Variants in CSMD3 observed in about 807,000 individuals in gnomAD.
The protein encoded by CSMD3 is CUB and sushi domain-containing protein 3.
A neutral mutation model predicts 435.2 loss-of-function variants in CSMD3; 177 were observed. That is an observed-to-expected ratio of 0.41 (90% CI 0.36 to 0.46). The LOEUF (loss-of-function observed/expected upper bound fraction) is 0.46. CSMD3 is among the 20% of genes least tolerant of loss of function. CSMD3 has a pLI of 0.34. For missense variants in CSMD3, 4,265 were observed against 4,504.6 expected (o/e 0.95, Z 1.52); for synonymous variants, 1,656 against 1,520.5 (o/e 1.09, Z -2.07).
At chr8:113,366,949 T>C (rs1445025266) in intron 1 of CSMD3, among the ~76,000 whole-genome samples, 1 of 152,166 alleles carries the variant, frequency 6.6e-6, no homozygotes, top group African/African-American at 2.4e-5. Context: ...AAAATCATAT[T>C]TATTGAAATT....
At chr8:112,516,123 G>A (rs1823644892) in intron 28 of CSMD3, among the ~76,000 whole-genome samples, 1 of 151,984 alleles carries the variant, frequency 6.6e-6, no homozygotes, top group African/African-American at 2.4e-5. Context: ...AAGTTTATGG[G>A]TTAGGTGTAA....
intron 2 of CSMD3, among the ~76,000 whole-genome samples, chr8:113,285,677 C>A (rs1046720646): frequency 6.6e-6 from 1 of 152,076 alleles, no homozygotes; most frequent in Non-Finnish European, 1.5e-5. Flanking sequence ...TGGAATCATG[C>A]AATATAAATT....
chr8:112,936,011 C>T (rs1438233255), intron 9 of CSMD3, among the ~76,000 whole-genome samples: 1 of 151,940 alleles, frequency 6.6e-6, no homozygotes. Context: ...ATGGGTAGAA[C>T]TTCTTGATGG....
intron 21 of CSMD3, 137 bp from the exon 22 acceptor site, chr8:112,637,142 A>G (rs1294133515): frequency 1.4e-6 from 1 of 698,634 alleles, no homozygotes; most frequent in Non-Finnish European, 2.5e-6. Flanking sequence ...AATAGCTATC[A>G]GAACGTACAA....
intron 13 of CSMD3, among the ~76,000 whole-genome samples, chr8:112,703,706 G>GCTAATGTTAA (rs1309061450): frequency 6.6e-6 from 1 of 151,968 alleles, no homozygotes; most frequent in Non-Finnish European, 1.5e-5. Context: ...AAGCCTTTTG[G>GCTAATGTTAA]GAATCTCATT....
At chr8:112,515,678 T>TAAA (rs1186241716) in intron 28 of CSMD3, among the ~76,000 whole-genome samples, 3 of 152,070 alleles carry the variant, frequency 2.0e-5, no homozygotes, top group Non-Finnish European at 4.4e-5. Flanking sequence ...TATTTCATGC[T>TAAA]TTATAAAAGG....
chr8:112,381,840 A>G (rs1443142006), intron 37 of CSMD3, among the ~76,000 whole-genome samples: 1 of 152,192 alleles, frequency 6.6e-6, no homozygotes, highest in Non-Finnish European at 1.5e-5. Context: ...TAATCTCTCT[A>G]AGCCTCAATT....
intron 5 of CSMD3, among the ~76,000 whole-genome samples, chr8:113,082,668 C>T (rs1036785394): frequency 6.6e-6 from 1 of 151,942 alleles, no homozygotes; most frequent in Non-Finnish European, 1.5e-5. Context: ...TTTAAGGAAA[C>T]TCAGTGAGAA....
chr8:112,547,104 A>C (rs1419702607), intron 27 of CSMD3, among the ~76,000 whole-genome samples: 1 of 152,194 alleles, frequency 6.6e-6, no homozygotes, highest in Non-Finnish European at 1.5e-5. Context: ...GGGGGCTCAA[A>C]TAAAATCTGA....
At chr8:112,888,980 C>T (rs751676072) in intron 10 of CSMD3, among the ~76,000 whole-genome samples, 5 of 151,628 alleles carry the variant, frequency 3.3e-5, no homozygotes, top group South Asian at 2.1e-4. Context: ...ATTAAGACAA[C>T]CAATTAACAA....
At chr8:112,980,382 C>T (rs1191164942) in intron 6 of CSMD3, among the ~76,000 whole-genome samples, 3 of 151,016 alleles carry the variant, frequency 2.0e-5, no homozygotes, top group Non-Finnish European at 4.4e-5. Context: ...TATTCTGTTC[C>T]TTCCTTTAAT....
intron 8 of CSMD3, among the ~76,000 whole-genome samples, chr8:112,951,723 A>G (rs1319672817): frequency 6.6e-6 from 1 of 151,780 alleles, no homozygotes; most frequent in Non-Finnish European, 1.5e-5. Flanking sequence ...TAGTGCTGCC[A>G]TGGAGGAACT....
intron 3 of CSMD3, among the ~76,000 whole-genome samples, chr8:113,200,725 C>G (rs974396316): frequency 6.6e-6 from 1 of 151,018 alleles, no homozygotes; most frequent in African/African-American, 2.4e-5. Flanking sequence ...ACACTTGCTC[C>G]CTTCTTCCAG....
intron 11 of CSMD3, among the ~76,000 whole-genome samples, chr8:112,830,831 G>C (rs1161259561): frequency 1.4e-5 from 2 of 147,586 alleles, no homozygotes; most frequent in Non-Finnish European, 3.0e-5. Flanking sequence ...CTGTCACTCA[G>C]GCTAGAGTGC....
intron 23 of CSMD3, among the ~76,000 whole-genome samples, chr8:112,583,298 C>T (rs1830471767): frequency 6.6e-6 from 1 of 150,980 alleles, no homozygotes; most frequent in South Asian, 2.1e-4. Context: ...GTGTTTTGGA[C>T]TGGTGAACTT....
rs577475180 is a variant in CSMD3 at position 112,402,546 on chromosome 8, T to C, written c.5809+3978A>G. Among the ~76,000 whole-genome samples, 195 of 152,268 alleles carry C rather than the reference T, an allele frequency of 1.3e-3. 1 individual carries two copies. Among genetic ancestry groups the C allele is most frequent in the African/African-American group, 4.6e-3 (192 of 41,572 alleles). ...TCATTATATTACTCTGTTTTTACAG[T>C]AGATTATATGAAACTAAATGAAGAG... On this transcript the variant is annotated intron_variant, in intron 35 of 70. Transcript: ENST00000297405.
At position 112,666,454 on chromosome 8, in the gene CSMD3, A is replaced by G. The variant is rs368647568; in HGVS notation, c.2678-39T>C. ...TCAGACAAGTAAGAATAAAACATTC[A>G]AGATAAATCGCAGATATTATTCTTA... is the stretch of plus-strand genomic sequence containing the variant. On this transcript the variant is annotated intron_variant, in intron 16 of 70. Transcript: ENST00000297405. 5 of 1,585,560 alleles carry G rather than the reference A, an allele frequency of 3.2e-6. No individual in the cohort carries two copies. In the African/African-American group the frequency reaches 6.7e-5, roughly 21 times the overall value.
chr8:113,024,777 C>T (rs550748175), intron 5 of CSMD3, among the ~76,000 whole-genome samples: 2 of 152,152 alleles, frequency 1.3e-5, no homozygotes, highest in South Asian at 2.1e-4. Flanking sequence ...TGGTCCATTG[C>T]CAATTTTTTC....
At chr8:112,888,593 C>A (rs996745027) in intron 10 of CSMD3, among the ~76,000 whole-genome samples, 1 of 151,786 alleles carries the variant, frequency 6.6e-6, no homozygotes, top group Admixed American at 6.6e-5. Flanking sequence ...TTTGATTCTA[C>A]AGAAACCTCC....
Sources: allele counts gnomAD v4.1 joint callset (sites outside exome capture counted in the v4.1 genomes callset), GRCh38; gene constraint gnomAD v4.1.1; transcripts MANE v1.5; gene names NCBI Gene and HGNC (gene_info 2026-07-23, HGNC 2026-07-21).